The following ANKRD28 variants were observed in gnomAD, a reference collection of about 807,000 sequenced individuals.
ANKRD28 encodes ankyrin repeat domain 28, also known as serine/threonine-protein phosphatase 6 regulatory ankyrin repeat subunit A.
In ANKRD28, 44 loss-of-function variants were observed where a neutral mutation model predicts 126.5. That is an observed-to-expected ratio of 0.35 (90% CI 0.27 to 0.45). The LOEUF is 0.45. Among genes scored for constraint, ANKRD28 ranks in the 20% least tolerant of loss-of-function variants. ANKRD28 has a pLI of 1.00. For missense variants in ANKRD28, 1,110 were observed against 1,316.6 expected (o/e 0.84, Z 2.43); for synonymous variants, 442 against 468.5 (o/e 0.94, Z 0.73).
chr3:15,685,295 A>G lies in ANKRD28; in HGVS notation c.2320T>C (p.Ser774Pro). ...VLGALLQSAA[S>P]MDANPATADN... is the part of the protein sequence containing the mutation. ...GCTGTGGCTGGATTTGCATCCATAGATGCTGCTGACTGCAAAAGGGCTCCA... is the reference window on the plus strand; with the variant it reads ...GCTGTGGCTGGATTTGCATCCATAGGTGCTGCTGACTGCAAAAGGGCTCCA... The change falls in exon 21 of 28, where the codon TCT becomes CCT. Residue 774 changes from serine (S) to proline (P), a missense_variant. Physicochemically the swap from Ser to Pro is moderately conservative, Grantham distance 74. Transcript: ENST00000683139. 1 of 1,614,026 alleles carries G rather than the reference A, an allele frequency of 6.2e-7. No homozygotes were observed. Among genetic ancestry groups the G allele is most frequent in the East Asian group, 2.2e-5 (1 of 44,892 alleles).
intron 1 of ANKRD28, among the ~76,000 whole-genome samples, chr3:15,824,209 T>G (rs908343032): frequency 3.9e-5 from 6 of 152,350 alleles, no homozygotes; most frequent in African/African-American, 1.4e-4. Context: ...CATTCTGTCA[T>G]GCAGGCGCCA....
intron 3 of ANKRD28, chr3:15,756,336 C>T (rs2058153158): frequency 9.1e-6 from 2 of 219,720 alleles, no homozygotes; most frequent in Non-Finnish European, 1.5e-5. Flanking sequence ...CTCACCCAAT[C>T]TTTACACGTA....
chr3:15,687,791 A>C (rs939121719), intron 18 of ANKRD28, among the ~76,000 whole-genome samples: 6 of 152,236 alleles, frequency 3.9e-5, no homozygotes, highest in Non-Finnish European at 8.8e-5. Context: ...GGGATGTTCA[A>C]GAAGAACTTG....
chr3:15,678,471 C>T, intron 23 of ANKRD28, 117 bp from the exon 24 acceptor site: 2 of 915,316 alleles, frequency 2.2e-6, no homozygotes, highest in Middle Eastern at 3.1e-4. Flanking sequence ...GCTACAAAAG[C>T]ACTGCCTGTA....
chr3:15,786,425 G>GA (rs1294869534), intron 2 of ANKRD28, among the ~76,000 whole-genome samples: 1 of 151,858 alleles, frequency 6.6e-6, no homozygotes, highest in African/African-American at 2.4e-5. Flanking sequence ...AACACTCTAG[G>GA]AAAAAACAAA....
intron 17 of ANKRD28, among the ~76,000 whole-genome samples, chr3:15,694,493 G>A (rs543464524): frequency 6.6e-6 from 1 of 151,594 alleles, no homozygotes; most frequent in East Asian, 1.9e-4. Context: ...AGGCCCTGGG[G>A]GAAGCCTAAG....
chr3:15,702,992 T>C (rs973515922), intron 14 of ANKRD28, among the ~76,000 whole-genome samples: 10 of 152,272 alleles, frequency 6.6e-5, no homozygotes, highest in African/African-American at 1.9e-4. Context: ...ACAGATTAAA[T>C]AGGCACAGAG....
chr3:15,828,264 G>A (rs989401774), intron 1 of ANKRD28, among the ~76,000 whole-genome samples: 6 of 152,102 alleles, frequency 3.9e-5, no homozygotes, highest in African/African-American at 7.2e-5. Context: ...CAAAACAGGC[G>A]AATGATTATG....
intron 6 of ANKRD28, among the ~76,000 whole-genome samples, chr3:15,726,489 G>T (rs1037773926): frequency 6.6e-6 from 1 of 152,196 alleles, no homozygotes; most frequent in Non-Finnish European, 1.5e-5. Flanking sequence ...CGAGAGCAAG[G>T]CCTCAACTTT....
At chr3:15,758,375 GA>G (rs756098982) in intron 3 of ANKRD28, among the ~76,000 whole-genome samples, 6 of 152,088 alleles carry the variant, frequency 3.9e-5, no homozygotes, top group African/African-American at 1.2e-4. Context: ...CTATAATGCT[GA>G]AAAAAATAGC....
rs1271346002 is a variant in ANKRD28, at chr3:15,815,327, G to A, written c.28-20021C>T. Among the ~76,000 whole-genome samples, 1 of 152,002 alleles carries A rather than the reference G, an allele frequency of 6.6e-6. No individual in the cohort carries two copies. Among genetic ancestry groups the A allele is most frequent in the Non-Finnish European group, 1.5e-5 (1 of 67,994 alleles). ...CACATTTCTTTTGTTTTTCTTTTAT[G>A]ACAAAATTTTGCCCTGTCACCCAGG... On this transcript the variant is annotated intron_variant, in intron 1 of 27. Transcript: ENST00000399451. The surrounding 1 kb of genome is among the most constrained non-coding windows in gnomAD (Gnocchi z 4.1).
At chr3:15,710,579 A>G (rs2072132016) in intron 12 of ANKRD28, among the ~76,000 whole-genome samples, 1 of 152,236 alleles carries the variant, frequency 6.6e-6, no homozygotes, top group Non-Finnish European at 1.5e-5. Context: ...CATTGAGAAT[A>G]ACGTTTTTGC....
chr3:15,859,117 G>T (rs1469026750), intron 1 of ANKRD28, among the ~76,000 whole-genome samples: 2 of 152,196 alleles, frequency 1.3e-5, no homozygotes, highest in Non-Finnish European at 2.9e-5. Context: ...ACGCGAGGGC[G>T]GTGAGCGTGG....
At position 15,737,127 on chromosome 3, in the gene ANKRD28, G is replaced by C. The variant is rs371520293; in HGVS notation, c.458C>G (p.Ala153Gly). 1 of 1,613,834 alleles carries C rather than the reference G, an allele frequency of 6.2e-7. No individual in the cohort carries two copies. Among genetic ancestry groups the C allele is most frequent in the Admixed American group, 1.7e-5 (1 of 60,000 alleles). ...ACTCAGAAGAGGTACCAAAGCTTCA[G>C]CACACTTTACAGCTTTATTAGCAGC... ...IAAANKAVKC[A>G]EALVPLLSNV... is the part of the protein sequence containing the mutation. Residue 153 changes from alanine (A) to glycine (G), a missense_variant, in exon 5 of 28, where the codon GCT becomes GGT. Ala to Gly is a moderately conservative substitution (Grantham distance 60, BLOSUM62 0). Coordinates refer to ENST00000683139, the MANE Select transcript of ANKRD28 (RefSeq NM_001349278.2).
chr3:15,706,440 T>C (rs996726019), intron 14 of ANKRD28, among the ~76,000 whole-genome samples: 12 of 152,214 alleles, frequency 7.9e-5, no homozygotes, highest in African/African-American at 2.4e-4. Context: ...TATGGCTGCA[T>C]AGTATTCCAT....
intron 4 of ANKRD28, among the ~76,000 whole-genome samples, chr3:15,745,156 T>A (rs1324470230): frequency 6.6e-6 from 1 of 152,222 alleles, no homozygotes; most frequent in Non-Finnish European, 1.5e-5. Flanking sequence ...GTGTATAGAT[T>A]GCAAAGATTT....
At chr3:15,708,450 A>C (rs1479725177) in intron 13 of ANKRD28, among the ~76,000 whole-genome samples, 2 of 152,128 alleles carry the variant, frequency 1.3e-5, no homozygotes. Flanking sequence ...ATTTCTATTC[A>C]TGTCTCAGAA....
At chr3:15,842,059 TATA>T (rs201964224) in intron 1 of ANKRD28, among the ~76,000 whole-genome samples, 2,878 of 148,358 alleles carry the variant, frequency 0.019, 94 homozygotes, top group African/African-American at 0.066. Flanking sequence ...ATAATTTATA[TATA>T]ATTTTATTTT....
chr3:15,740,349 A>C (rs893187043), intron 4 of ANKRD28, among the ~76,000 whole-genome samples: 2 of 152,210 alleles, frequency 1.3e-5, no homozygotes, highest in Non-Finnish European at 2.9e-5. Context: ...ACACTAAAAA[A>C]TTCATGCATT....
Sources: allele counts gnomAD v4.1 joint callset (sites outside exome capture counted in the v4.1 genomes callset), GRCh38; gene constraint gnomAD v4.1.1; non-coding constraint Gnocchi (gnomAD v3.1); transcripts MANE v1.5; gene names NCBI Gene and HGNC (gene_info 2026-07-23, HGNC 2026-07-21).